RBFOX1: variants seen among roughly 807,000 people sequenced by gnomAD.
RBFOX1 encodes the protein RNA binding fox-1 homolog 1.
A neutral mutation model predicts 57.7 loss-of-function variants in RBFOX1; 8 were observed. The observed-to-expected ratio is 0.14, with a 90% CI of 0.08 to 0.25. The LOEUF (loss-of-function observed/expected upper bound fraction) is 0.25, where lower values mean the gene tolerates loss of function less well. Among genes scored for constraint, RBFOX1 ranks in the 10% least tolerant of loss-of-function variants. The probability of loss-of-function intolerance (pLI) is 1.00; values close to 1 mark genes in which losing one functional copy is unlikely to be tolerated. For synonymous variants in RBFOX1, 326 were observed against 222.4 expected, an observed-to-expected ratio of 1.47 and a Z score of -4.15; for missense variants, 611 against 548.5, an observed-to-expected ratio of 1.11 and a Z score of -1.14.
At chr16:7,057,653 G>A (rs2052785443) in intron 4 of RBFOX1, among the ~76,000 whole-genome samples, 1 of 152,112 alleles carries the variant, frequency 6.6e-6, no homozygotes, top group African/African-American at 2.4e-5. Context: ...AGTTGCCCAG[G>A]GCCAACTCTT....
At chr16:5,458,076 A>G (rs933110399) in intron 1 of RBFOX1, among the ~76,000 whole-genome samples, 1 of 152,244 alleles carries the variant, frequency 6.6e-6, no homozygotes, top group African/African-American at 2.4e-5. Context: ...ATAGGAGATC[A>G]TTTGTGTAAA....
intron 9 of RBFOX1, among the ~76,000 whole-genome samples, chr16:7,606,036 C>G (rs549584561): frequency 6.6e-6 from 1 of 152,134 alleles, no homozygotes; most frequent in Non-Finnish European, 1.5e-5. Flanking sequence ...TCTGGAAACT[C>G]CCAACCTCAA....
chr16:6,461,254 C>T (rs544077851), intron 2 of RBFOX1, among the ~76,000 whole-genome samples: 4 of 152,068 alleles, frequency 2.6e-5, no homozygotes, highest in Admixed American at 6.6e-5. Context: ...TATCCCAGAA[C>T]TTAAAAAAAT....
At chr16:7,037,169 T>G (rs931032312) in intron 3 of RBFOX1, among the ~76,000 whole-genome samples, 5 of 151,850 alleles carry the variant, frequency 3.3e-5, no homozygotes, top group Admixed American at 2.6e-4. Flanking sequence ...CCTCCTATCT[T>G]ATCCTGTGAC....
chr16:6,965,656 G>C (rs914112809), intron 3 of RBFOX1, among the ~76,000 whole-genome samples: 15 of 152,172 alleles, frequency 9.9e-5, no homozygotes, highest in Admixed American at 3.3e-4. Flanking sequence ...AGTTTTCACT[G>C]AGTTCTGGAA....
At chr16:5,473,658 G>T (rs1262274945) in intron 2 of RBFOX1, among the ~76,000 whole-genome samples, 1 of 126,752 alleles carries the variant, frequency 7.9e-6, no homozygotes, top group Non-Finnish European at 1.6e-5. Context: ...TGGATGGACA[G>T]AAGGAAGGAA....
intron 3 of RBFOX1, among the ~76,000 whole-genome samples, chr16:6,801,329 C>G (rs1356206130): frequency 6.6e-6 from 1 of 151,878 alleles, no homozygotes; most frequent in South Asian, 2.1e-4. Flanking sequence ...GAGAACCATA[C>G]AAGGCTCTTG....
intron 1 of RBFOX1, among the ~76,000 whole-genome samples, chr16:5,449,291 A>T (rs555225994): frequency 3.6e-4 from 55 of 152,210 alleles, no homozygotes; most frequent in African/African-American, 1.2e-3. Flanking sequence ...AATGACGCCT[A>T]CTTATCTGAG....
chr16:5,408,025 G>A (rs2066912211), intron 1 of RBFOX1, among the ~76,000 whole-genome samples: 1 of 152,218 alleles, frequency 6.6e-6, no homozygotes, highest in African/African-American at 2.4e-5. Flanking sequence ...CCTCCTGTGT[G>A]GCCCCTGCTG....
intron 3 of RBFOX1, among the ~76,000 whole-genome samples, chr16:5,770,387 G>T (rs1195694804): frequency 6.6e-6 from 1 of 152,158 alleles, no homozygotes; most frequent in African/African-American, 2.4e-5. Flanking sequence ...AAATGCCATG[G>T]TAACACCTGG....
chr16:6,224,376 C>T (rs903807607), intron 1 of RBFOX1, among the ~76,000 whole-genome samples: 3 of 151,896 alleles, frequency 2.0e-5, no homozygotes, highest in African/African-American at 4.8e-5. Flanking sequence ...TTTTTATTTC[C>T]TTGAGCAGTG....
intron 3 of RBFOX1, among the ~76,000 whole-genome samples, chr16:6,910,965 C>A (rs1259397109): frequency 6.6e-6 from 1 of 152,056 alleles, no homozygotes; most frequent in African/African-American, 2.4e-5. Context: ...CTTTGGGAGG[C>A]CGAGACAGGC....
intron 4 of RBFOX1, among the ~76,000 whole-genome samples, chr16:7,491,250 A>G (rs965786965): frequency 3.8e-4 from 58 of 152,018 alleles, no homozygotes; most frequent in South Asian, 8.4e-4. Flanking sequence ...CCTCCGCAGG[A>G]ACACTCCTTA....
Position 5,316,056 on chromosome 16 carries a change from T to A in RBFOX1, c.219+75951T>A, listed in dbSNP as rs187636881. On this transcript the variant is annotated intron_variant, in intron 1 of 2. Transcript: ENST00000585867. ...CTACTCCTCTCCTTGCTGTCTCTGC[T>A]CTCAGCCATACATTGGCTGCTTTTC... Among the ~76,000 whole-genome samples, 312 of 152,280 alleles carry A rather than the reference T, an allele frequency of 2.0e-3. 1 individual carries two copies. The highest frequency in any genetic ancestry group is 3.9e-3 in the Non-Finnish European group (262 of 68,022).
At chr16:5,809,797 C>G (rs1047679366) in intron 3 of RBFOX1, among the ~76,000 whole-genome samples, 2 of 152,116 alleles carry the variant, frequency 1.3e-5, no homozygotes, top group African/African-American at 4.8e-5. Flanking sequence ...ACTAGAAATA[C>G]CATTTGACCC....
chr16:5,879,599 G>A (rs1039876861), intron 4 of RBFOX1, among the ~76,000 whole-genome samples: 1 of 152,128 alleles, frequency 6.6e-6, no homozygotes, highest in Admixed American at 6.6e-5. Flanking sequence ...CAAAGTGCTG[G>A]GATTATAGGC....
intron 3 of RBFOX1, among the ~76,000 whole-genome samples, chr16:5,669,816 C>T (rs1222859398): frequency 1.3e-5 from 2 of 152,166 alleles, no homozygotes; most frequent in East Asian, 3.8e-4. Context: ...AGAATTTAAA[C>T]AATTGCCATA....
At chr16:7,032,791 G>A (rs4786958) in intron 3 of RBFOX1, among the ~76,000 whole-genome samples, 2 of 151,886 alleles carry the variant, frequency 1.3e-5, no homozygotes, top group Non-Finnish European at 1.5e-5. Context: ...CCCCGCCTTG[G>A]GTCTACCTGA....
At chr16:6,837,284 G>T (rs1018403368) in intron 3 of RBFOX1, among the ~76,000 whole-genome samples, 1 of 152,144 alleles carries the variant, frequency 6.6e-6, no homozygotes, top group African/African-American at 2.4e-5. Flanking sequence ...TCTGTTCCAC[G>T]AGGTGGCTCA....
Sources: allele counts gnomAD v4.1 joint callset (sites outside exome capture counted in the v4.1 genomes callset), GRCh38; gene constraint gnomAD v4.1.1; transcripts MANE v1.5; gene names NCBI Gene and HGNC (gene_info 2026-07-23, HGNC 2026-07-21).